The following AP3B1 variants were observed in gnomAD, a reference collection of about 807,000 sequenced individuals.
AP3B1 encodes adaptor related protein complex 3 subunit beta 1, also known as AP-3 complex subunit beta-1.
A neutral mutation model predicts 132.5 loss-of-function variants in AP3B1; 61 were observed. That is an observed-to-expected ratio of 0.46 (90% CI 0.37 to 0.57). The LOEUF is 0.57. AP3B1 is among the 20% of genes least tolerant of loss of function. The pLI is 0.00. For missense variants in AP3B1, 1,120 were observed against 1,289.4 expected, an observed-to-expected ratio of 0.87 and a Z score of 2.01; for synonymous variants, 388 against 438.3, an observed-to-expected ratio of 0.89 and a Z score of 1.43.
At chr5:78,100,172 T>C (rs1227192038) in intron 21 of AP3B1, among the ~76,000 whole-genome samples, 1 of 152,064 alleles carries the variant, frequency 6.6e-6, no homozygotes, top group African/African-American at 2.4e-5. Flanking sequence ...CCATGGCTAC[T>C]GGGGACAGGG....
At chr5:78,175,510 A>C in intron 11 of AP3B1, 116 bp downstream of exon 11, 1 of 738,686 alleles carries the variant, frequency 1.4e-6, no homozygotes, top group Non-Finnish European at 2.3e-6. Flanking sequence ...AAAAACCATT[A>C]ACTTTATCAA....
intron 22 of AP3B1, among the ~76,000 whole-genome samples, chr5:78,062,763 G>C (rs903620971): frequency 2.0e-5 from 3 of 152,142 alleles, no homozygotes; most frequent in Non-Finnish European, 4.4e-5. Flanking sequence ...GGCAGTTCAG[G>C]GTTTTTGAGA....
intron 24 of AP3B1, among the ~76,000 whole-genome samples, chr5:78,029,421 CATCT>C (rs1747478578): frequency 6.6e-6 from 1 of 151,900 alleles, no homozygotes; most frequent in Admixed American, 6.6e-5. Flanking sequence ...ACACACACTT[CATCT>C]ATCTAATCTC....
rs552637560 is a variant in AP3B1 at position 78,094,131 on chromosome 5, G to A, written c.2471-4632C>T. 3.9e-5 allele frequency among the ~76,000 whole-genome samples: 6 copies of A among 152,294 alleles called. No homozygotes were observed. The South Asian group carries it at 1.2e-3, about 32-fold the overall frequency. ...TTACATTTCCTATAAAAGAACACTA[G>A]AATATGATCACTGATTTGTGATCGT... On this transcript the variant is annotated intron_variant, in intron 21 of 26. Transcript: ENST00000255194.
At chr5:78,118,615 G>A (rs1263790282) in intron 17 of AP3B1, among the ~76,000 whole-genome samples, 3 of 152,238 alleles carry the variant, frequency 2.0e-5, no homozygotes, top group Non-Finnish European at 1.5e-5. Context: ...AGGCGGCAGT[G>A]AGGCTGGGGG....
intron 22 of AP3B1, among the ~76,000 whole-genome samples, chr5:78,080,472 C>CT (rs950808310): frequency 0.066 from 7,771 of 117,836 alleles, 435 homozygotes; most frequent in African/African-American, 0.17. Context: ...TTTTCTTTTT[C>CT]TTTTTTTTTT....
intron 22 of AP3B1, among the ~76,000 whole-genome samples, chr5:78,058,836 G>A (rs1262161073): frequency 1.3e-5 from 2 of 152,158 alleles, no homozygotes; most frequent in Non-Finnish European, 2.9e-5. Flanking sequence ...GCCGGGTTCT[G>A]CTCTTCATGG....
At chr5:78,109,463 T>A (rs1390734409) in intron 20 of AP3B1, among the ~76,000 whole-genome samples, 1 of 152,116 alleles carries the variant, frequency 6.6e-6, no homozygotes, top group Non-Finnish European at 1.5e-5. Context: ...TTTGGCCATA[T>A]TTTCAACAAA....
intron 26 of AP3B1, among the ~76,000 whole-genome samples, chr5:78,015,104 T>G (rs1364342530): frequency 6.6e-6 from 1 of 152,132 alleles, no homozygotes; most frequent in East Asian, 1.9e-4. Flanking sequence ...TCTGGTGAAA[T>G]AAGATAAACT....
At chr5:78,212,463 T>C (rs961362696) in intron 7 of AP3B1, among the ~76,000 whole-genome samples, 1 of 152,200 alleles carries the variant, frequency 6.6e-6, no homozygotes, top group Non-Finnish European at 1.5e-5. Context: ...TGTCGATACA[T>C]TGTTTTAGTG....
intron 14 of AP3B1, among the ~76,000 whole-genome samples, chr5:78,154,044 T>C (rs908788026): frequency 6.6e-6 from 1 of 152,206 alleles, no homozygotes; most frequent in Non-Finnish European, 1.5e-5. Flanking sequence ...CAGTGAATTT[T>C]GTGCCTTTGA....
chr5:78,234,145 C>T (rs1746775538), intron 3 of AP3B1, among the ~76,000 whole-genome samples: 1 of 151,954 alleles, frequency 6.6e-6, no homozygotes, highest in Admixed American at 6.6e-5. Context: ...CCATAGAACC[C>T]CATCTCTATT....
In AP3B1 at chr5:78,047,255, T is replaced by C. The variant is rs563318924; in HGVS notation, c.2578-7981A>G. ...CTGGGTCAAATGGTATTTCTGGTTCTGGATCCTTGAGGAATTGCCGCACTG... is the reference window on the plus strand; with the variant it reads ...CTGGGTCAAATGGTATTTCTGGTTCCGGATCCTTGAGGAATTGCCGCACTG... On this transcript the variant is annotated intron_variant, in intron 22 of 26. Coordinates refer to ENST00000255194, the MANE Select transcript of AP3B1 (RefSeq NM_003664.5). Among the ~76,000 whole-genome samples the C allele has an allele frequency of 2.0e-5, 3 of 152,366 alleles. No individual in the cohort carries two copies. The South Asian group carries it at 6.2e-4, about 32-fold the overall frequency.
At chr5:78,248,560 A>G (rs1305212228) in intron 2 of AP3B1, among the ~76,000 whole-genome samples, 1 of 150,360 alleles carries the variant, frequency 6.7e-6, no homozygotes, top group Non-Finnish European at 1.5e-5. Context: ...AGACTCTTTT[A>G]TTTCCACCTC....
intron 6 of AP3B1, among the ~76,000 whole-genome samples, chr5:78,218,035 A>C (rs2112479516): frequency 6.6e-6 from 1 of 152,258 alleles, no homozygotes; most frequent in Non-Finnish European, 1.5e-5. Flanking sequence ...AGGTACTAAC[A>C]AATATCATTA....
At chr5:78,281,389 G>A (rs371182866) in intron 1 of AP3B1, among the ~76,000 whole-genome samples, 131 of 144,194 alleles carry the variant, frequency 9.1e-4, no homozygotes, top group Admixed American at 4.0e-3. Context: ...AGCCAAGATC[G>A]TGCCACTGCA....
intron 1 of AP3B1, among the ~76,000 whole-genome samples, chr5:78,281,980 C>T (rs1749077599): frequency 6.6e-6 from 1 of 152,098 alleles, no homozygotes; most frequent in Non-Finnish European, 1.5e-5. Flanking sequence ...AGAAACTACT[C>T]TAAAAGAAAA....
intron 23 of AP3B1, 105 bp downstream of exon 23, chr5:78,038,938 T>A: frequency 1.4e-6 from 1 of 705,572 alleles, no homozygotes; most frequent in Non-Finnish European, 2.4e-6. Flanking sequence ...AATACAATCA[T>A]ATTCTACTTT....
chr5:78,259,118 G>C (rs1371502506), intron 2 of AP3B1, among the ~76,000 whole-genome samples: 1 of 152,140 alleles, frequency 6.6e-6, no homozygotes, highest in Non-Finnish European at 1.5e-5. Context: ...CATGATGGCA[G>C]GTGCCTGTAG....
Sources: gnomAD v4.1 joint callset for allele counts (sites outside exome capture counted in the v4.1 genomes callset) on GRCh38, gnomAD v4.1.1 for gene constraint, MANE v1.5 for transcripts, NCBI Gene and HGNC (gene_info 2026-07-23, HGNC 2026-07-21) for gene names.